The following DAZL variants were observed in gnomAD, a reference collection of about 807,000 sequenced individuals.
DAZL encodes the protein deleted in azoospermia like.
In DAZL, 4 loss-of-function variants were observed where a neutral mutation model predicts 45.0. That is an observed-to-expected ratio of 0.09 (90% confidence interval 0.04 to 0.20). DAZL has a LOEUF of 0.20. DAZL is among the 10% of genes least tolerant of loss of function. The pLI is 1.00. For missense variants in DAZL, 326 were observed against 351.3 expected (o/e 0.93, Z 0.58); for synonymous variants, 122 against 112.4 (o/e 1.09, Z -0.54).
chr3:16,599,712 C>T (rs1284743943), intron 1 of DAZL, among the ~76,000 whole-genome samples: 2 of 152,000 alleles, frequency 1.3e-5, no homozygotes, highest in Non-Finnish European at 2.9e-5. Flanking sequence ...TTATTCTTTC[C>T]GCAGTAGACT....
In DAZL at chr3:16,597,037, G is replaced by A. The variant is rs563165478; in HGVS notation, c.309C>T (p.Phe103=). 44 of 1,611,540 alleles carry A rather than the reference G, an allele frequency of 2.7e-5. No individual in the cohort carries two copies. Among genetic ancestry groups the A allele is most frequent in the Middle Eastern group, 2.2e-4 (1 of 4,518 alleles). ...GGCCCAGCTTCAGCTTTTTACCATG[G>A]AAATTTATCTGTGACTGAAAATAAA... The part of the protein sequence containing the change: ...VQKIVESQIN[F]HGKKLKLGPA... The change falls in exon 5 of 11, where the codon TTC becomes TTT. Residue 103 remains phenylalanine (F), a synonymous_variant. Transcript: ENST00000399444.
At position 16,598,572 on chromosome 3, in the gene DAZL, G is replaced by A; in HGVS notation, c.30C>T (p.Asn10=). ...TGCTGGCCTCTCTGGAGATGGTTGA[G>A]TTTGGAGTTTCAGGATTTGCAGTAG... MSTANPETP[N]STISREASTQ... The change falls in exon 2 of 11, where the codon AAC becomes AAT. Residue 10 remains asparagine (N), a synonymous_variant. Transcript: ENST00000399444. 6.3e-7 allele frequency: 1 copy of A among 1,599,238 alleles called. No homozygotes were observed.
Position 16,588,432 on chromosome 3 carries a change from A to T in DAZL, c.*228T>A. 1 of 373,856 alleles carries T rather than the reference A, an allele frequency of 2.7e-6. No individual in the cohort carries two copies. The allele number at this position is 373,856 out of a possible 1,614,324, so 23.2% of individuals were successfully genotyped here. On this transcript the variant is annotated 3_prime_UTR_variant, in exon 11 of 11. Transcript: ENST00000399444. ...TTGCAGATAAATCTTAGTTTCTTTC[A>T]GTCTCAATTATTTTTTTACTTTCAA... is the stretch of plus-strand genomic sequence containing the variant.
intron 1 of DAZL, among the ~76,000 whole-genome samples, chr3:16,601,841 C>A (rs1287022206): frequency 1.3e-5 from 2 of 152,096 alleles, no homozygotes; most frequent in East Asian, 1.9e-4. Context: ...ATTTGGACAA[C>A]CAAGTGACAA....
intron 9 of DAZL, among the ~76,000 whole-genome samples, chr3:16,592,669 A>T (rs935739617): frequency 5.3e-5 from 8 of 152,184 alleles, no homozygotes; most frequent in African/African-American, 1.9e-4. Flanking sequence ...TTAGAACCTT[A>T]GTGATAGAAT....
At chr3:16,598,008 G>A (rs956032004) in intron 3 of DAZL, 79 bp downstream of exon 3, 3 of 1,317,080 alleles carry the variant, frequency 2.3e-6, no homozygotes, top group East Asian at 4.8e-5. Flanking sequence ...TATGTTAAGT[G>A]TCAGAATACC....
Position 16,593,675 on chromosome 3 carries a change from A to G in DAZL, c.715T>C (p.Ser239Pro). Reference protein sequence around the residue: ...ECSVHEATPPSGNGPQKKSVD... With the variant: ...ECSVHEATPPPGNGPQKKSVD... ...TTTGCCTTTTGTGGGCCATTTCCAGAGGGTGGAGTAGCTTCATGAACTGAA... is the reference window on the plus strand; with the variant it reads ...TTTGCCTTTTGTGGGCCATTTCCAGGGGGTGGAGTAGCTTCATGAACTGAA... The change falls in exon 9 of 11, where the codon TCT (serine) becomes CCT (proline). Residue 239 changes from serine to proline, a missense_variant. Physicochemically the swap from Ser to Pro is moderately conservative, Grantham distance 74. Transcript: ENST00000399444. 2.5e-6 allele frequency: 4 copies of G among 1,609,348 alleles called. No homozygotes were observed. The highest frequency in any genetic ancestry group is 3.4e-6 in the Non-Finnish European group (4 of 1,177,064).
Position 16,597,046 on chromosome 3 carries a change from CTG to C in DAZL, c.298_299del (p.Gln100AspfsTer6). The C allele has an allele frequency of 6.2e-7, 1 of 1,611,538 alleles. No individual in the cohort carries two copies. Among genetic ancestry groups the C allele is most frequent in the Non-Finnish European group, 8.5e-7 (1 of 1,179,432 alleles). ...TCAGCTTTTTACCATGGAAATTTAT[CTG>C]TGACTGAAAATAAAACAGTAACAAA... The part of the protein sequence containing the change: ...DVDVQKIVES[Q>X]INFHGKKLKL... On this transcript the variant is annotated frameshift_variant, in exon 5 of 11. Coordinates refer to ENST00000399444, the MANE Select transcript of DAZL (RefSeq NM_001351.4). LOFTEE classifies it high-confidence loss of function.
At chr3:16,602,906 T>C (rs1282286513) in intron 1 of DAZL, among the ~76,000 whole-genome samples, 1 of 152,228 alleles carries the variant, frequency 6.6e-6, no homozygotes, top group Non-Finnish European at 1.5e-5. Context: ...TTTTCCACTA[T>C]GTATGACAAA....
chr3:16,601,779 C>T (rs900620281), intron 1 of DAZL, among the ~76,000 whole-genome samples: 2 of 152,078 alleles, frequency 1.3e-5, no homozygotes, highest in African/African-American at 4.8e-5. Flanking sequence ...GCTTCAAGAC[C>T]ATCATATACA....
chr3:16,602,598 C>A lies in DAZL; in HGVS notation c.3+2605G>T, dbSNP rs143590902. On this transcript the variant is annotated intron_variant, in intron 1 of 10. Transcript: ENST00000399444. ...ACAAAGCCTCATCAAGATGAGCCAT[C>A]CCTGCCCTCAACACAAATGCAAAAT... 4.7e-4 allele frequency among the ~76,000 whole-genome samples: 72 copies of A among 152,282 alleles called. No homozygotes were observed. In the East Asian group the frequency reaches 0.011, roughly 23 times the overall value.
chr3:16,595,434 A>G (rs1161015860), intron 6 of DAZL, 49 bp from the exon 7 acceptor site: 2 of 1,109,818 alleles, frequency 1.8e-6, no homozygotes, highest in East Asian at 2.6e-5. Context: ...ACATTTTTTA[A>G]AATTAGAAAT....
At position 16,596,904 on chromosome 3, in the gene DAZL, A is replaced by G; in HGVS notation, c.359-15T>C. On this transcript the variant is annotated splice_polypyrimidine_tract_variant and intron_variant, in intron 5 of 10. Coordinates refer to ENST00000399444, the MANE Select transcript of DAZL (RefSeq NM_001351.4). ...ATGATAAGCACCTTTTTGAAAAGCA[A>G]AAAGAAAAGGCCTATTTTTAGTTCT... 6.2e-7 allele frequency: 1 copy of G among 1,613,840 alleles called. No homozygotes were observed. Among genetic ancestry groups the G allele is most frequent in the Non-Finnish European group, 8.5e-7 (1 of 1,179,758 alleles).
Position 16,588,212 on chromosome 3 carries a change from A to G in DAZL, c.*448T>C, listed in dbSNP as rs989932760. 1.2e-5 allele frequency: 2 copies of G among 171,382 alleles called. No individual in the cohort carries two copies. Among genetic ancestry groups the G allele is most frequent in the African/African-American group, 2.4e-5 (1 of 41,666 alleles). The allele number at this position is 171,382 out of a possible 1,614,324, so 10.6% of individuals were successfully genotyped here. A position where few individuals can be genotyped will look rare whatever the true frequency, so the allele number is the denominator to read the frequency against. ...GTTTTAAAAATTTTGCTTTTGTGGT[A>G]AATTTCTGGAGAAATCATAAATGCA... is the stretch of plus-strand genomic sequence containing the variant. On this transcript the variant is annotated 3_prime_UTR_variant, in exon 11 of 11. Transcript: ENST00000399444.
In DAZL at chr3:16,593,211, G is replaced by T. The variant is rs181268131; in HGVS notation, c.735+444C>A. Among the ~76,000 whole-genome samples, 3 of 152,312 alleles carry T rather than the reference G, an allele frequency of 2.0e-5. No individual in the cohort carries two copies. The East Asian group carries it at 5.8e-4, about 29-fold the overall frequency. On this transcript the variant is annotated intron_variant, in intron 9 of 10. Coordinates refer to ENST00000399444, the MANE Select transcript of DAZL (RefSeq NM_001351.4). ...TCCTATTAATATAGTATTTATTGAA[G>T]TATGGTTTTTAAAAATTAGTGGAAC...
intron 10 of DAZL, among the ~76,000 whole-genome samples, chr3:16,590,026 T>C (rs1400010571): frequency 6.6e-6 from 1 of 152,144 alleles, no homozygotes; most frequent in Non-Finnish European, 1.5e-5. Context: ...TAAGCTGTGA[T>C]TGTTACACTG....
chr3:16,605,162 A>T (rs1166705530), intron 1 of DAZL, 41 bp downstream of exon 1: 1 of 1,613,532 alleles, frequency 6.2e-7, no homozygotes, highest in East Asian at 2.2e-5. Context: ...ACGAGTGAAG[A>T]CTCCGCCAGC....
chr3:16,604,446 C>G (rs945927883), intron 1 of DAZL: 1 of 1,531,374 alleles, frequency 6.5e-7, no homozygotes, highest in Admixed American at 2.0e-5. Context: ...CAACCTCGTG[C>G]GGCAAAGATG....
intron 8 of DAZL, among the ~76,000 whole-genome samples, 189 bp downstream of exon 8, chr3:16,594,344 A>G (rs76204094): frequency 0.1 from 15,250 of 152,158 alleles, 1,018 homozygotes; most frequent in Non-Finnish European, 0.14. Context: ...CTGAGAGAAG[A>G]AGGCACTGTT....
Sources: allele counts gnomAD v4.1 joint callset (sites outside exome capture counted in the v4.1 genomes callset), GRCh38; gene constraint gnomAD v4.1.1; transcripts MANE v1.5; gene names NCBI Gene and HGNC (gene_info 2026-07-23, HGNC 2026-07-21).